Variants in MECOM observed in about 807,000 individuals in gnomAD.
MECOM encodes MDS1 and EVI1 complex locus.
MECOM carries 13 observed loss-of-function variants against 116.3 expected under a neutral mutation model. The observed-to-expected ratio is 0.11, with a 90% CI of 0.07 to 0.18. The LOEUF (loss-of-function observed/expected upper bound fraction) is 0.18. MECOM is among the 10% of genes least tolerant of loss of function. The probability of loss-of-function intolerance (pLI) is 1.00; values close to 1 mark genes in which losing one functional copy is unlikely to be tolerated. For missense variants in MECOM, 1,299 were observed against 1,509.0 expected, an observed-to-expected ratio of 0.86 and a Z score of 2.31; for synonymous variants, 528 against 535.2, an observed-to-expected ratio of 0.99 and a Z score of 0.19.
chr3:169,419,259 G>C (rs1739285822), intron 1 of MECOM, among the ~76,000 whole-genome samples: 1 of 152,046 alleles, frequency 6.6e-6, no homozygotes. Context: ...ACAAACAAAT[G>C]GAAAAATATT....
chr3:169,089,171 T>C lies in MECOM; in HGVS notation c.3414A>G (p.Glu1138=), dbSNP rs1353503333. Residue 1138 remains glutamate (E), a synonymous_variant, in exon 16 of 17, where the codon GAA becomes GAG. Coordinates refer to ENST00000651503, the MANE Select transcript of MECOM (RefSeq NM_004991.4). ...GAGCAGAAAGTCCACTTTTATATTC[T>C]TCCTCTTTATACCTAAAATGAACCA... is the stretch of plus-strand genomic sequence containing the variant. ...CKTSPVRYKE[E]EYKSGLSALD... The C allele has an allele frequency of 5.9e-6, 9 of 1,538,232 alleles. No homozygotes were observed. The highest frequency in any genetic ancestry group is 7.8e-6 in the Non-Finnish European group (9 of 1,147,278).
At position 169,115,525 on chromosome 3, in the gene MECOM, C is replaced by A; in HGVS notation, c.2347G>T (p.Ala783Ser). The stretch of plus-strand genomic sequence containing the variant: ...GGCTCAGTCAGCTTTGTCCCACTGG[C>A]TCTACTCCTACTGCCCATACTTAGA... ...LDLSMGSRSR[A>S]SGTKLTEPRK... The change falls in exon 8 of 17, where the codon GCC (alanine) becomes TCC (serine). Residue 783 changes from alanine (A) to serine (S), a missense_variant. This residue lies in a region of MECOM where 340 missense variants were observed against 312.6 expected (regional missense o/e 1.09). Transcript: ENST00000651503. 6.2e-7 allele frequency: 1 copy of A among 1,614,126 alleles called. No homozygotes were observed. The highest frequency in any genetic ancestry group is 8.5e-7 in the Non-Finnish European group (1 of 1,180,030).
intron 1 of MECOM, among the ~76,000 whole-genome samples, chr3:169,574,266 G>T (rs1764243987): frequency 6.6e-6 from 1 of 152,092 alleles, no homozygotes; most frequent in African/African-American, 2.4e-5. Context: ...TGGAGGTTTT[G>T]CTACAGGACT....
chr3:169,266,314 C>T (rs1365826375), intron 2 of MECOM, among the ~76,000 whole-genome samples: 3 of 152,152 alleles, frequency 2.0e-5, no homozygotes, highest in Non-Finnish European at 2.9e-5. Flanking sequence ...CAGTTACTTC[C>T]CCACATTAAG....
intron 1 of MECOM, among the ~76,000 whole-genome samples, chr3:169,469,602 C>CGT (rs1553862200): frequency 6.6e-6 from 1 of 151,656 alleles, no homozygotes; most frequent in African/African-American, 2.4e-5. Context: ...TCAAGGTGTA[C>CGT]GTTTTTTTCT....
rs74548954 is a variant in MECOM, at chr3:169,364,040, C to T, written c.375+17147G>A. ...CATGTTTATAATTTTGTCTGTATTGCGTTTGCTGTGGTTTACTCTTAAGTA... is the reference window on the plus strand; with the variant it reads ...CATGTTTATAATTTTGTCTGTATTGTGTTTGCTGTGGTTTACTCTTAAGTA... On this transcript the variant is annotated intron_variant, in intron 2 of 16. Transcript: ENST00000651503. Among the ~76,000 whole-genome samples, 1,018 of 151,896 alleles carry T rather than the reference C, an allele frequency of 6.7e-3. 14 individuals are homozygous for T. Among genetic ancestry groups the T allele is most frequent in the African/African-American group, 0.023 (974 of 41,454 alleles).
chr3:169,325,792 C>T (rs1187246317), intron 2 of MECOM, among the ~76,000 whole-genome samples: 1 of 152,100 alleles, frequency 6.6e-6, no homozygotes, highest in African/African-American at 2.4e-5. Context: ...GTGATAGTTG[C>T]CAGATGTGAG....
At chr3:169,508,594 G>C (rs1231802014) in intron 1 of MECOM, among the ~76,000 whole-genome samples, 2 of 152,116 alleles carry the variant, frequency 1.3e-5, no homozygotes. Flanking sequence ...AATAAGTTTG[G>C]TGACAGTGAA....
chr3:169,167,717 C>T (rs1743803867), intron 2 of MECOM, among the ~76,000 whole-genome samples: 1 of 151,898 alleles, frequency 6.6e-6, no homozygotes, highest in African/African-American at 2.4e-5. Flanking sequence ...GACATGTAAC[C>T]CTAATATAGA....
rs192534228 is a variant in MECOM at position 169,450,296 on chromosome 3, C to G, written c.38-68772G>C. ...TTCACGATTTAGTACTTTAAACACA[C>G]AGCACCAGGAAGAAAATCACCACAA... is the stretch of plus-strand genomic sequence containing the variant. On this transcript the variant is annotated intron_variant, in intron 1 of 16. Transcript: ENST00000651503. 1.6e-3 allele frequency among the ~76,000 whole-genome samples: 248 copies of G among 152,244 alleles called. 2 individuals are homozygous for G. Among genetic ancestry groups the G allele is most frequent in the African/African-American group, 5.2e-3 (214 of 41,552 alleles).
chr3:169,467,091 C>A (rs1748434017), intron 1 of MECOM: 1 of 152,158 alleles, frequency 6.6e-6, no homozygotes. Flanking sequence ...ATCGTGAAAA[C>A]AACTTACTGG....
At position 169,649,409 on chromosome 3, in the gene MECOM, CAA is replaced by C. The variant is rs71634436; in HGVS notation, c.37+13925_37+13926del. On this transcript the variant is annotated intron_variant, in intron 1 of 16. Transcript: ENST00000651503. ...GGGCGGCAAGAGCGAAACTCCATCT[CAA>C]AAAAAAAAAAAAAAAAAATAGGAAA... Among the ~76,000 whole-genome samples, 744 of 74,434 alleles carry C rather than the reference CAA, an allele frequency of 1.0e-2. 32 individuals are homozygous for C. In the South Asian group the frequency reaches 0.18, roughly 18 times the overall value. The allele number at this position is 74,434 out of a possible 152,430, so 48.8% of individuals were successfully genotyped here.
intron 1 of MECOM, among the ~76,000 whole-genome samples, chr3:169,427,606 A>G (rs1740939161): frequency 6.6e-6 from 1 of 152,222 alleles, no homozygotes; most frequent in Non-Finnish European, 1.5e-5. Context: ...ATCTCCACTC[A>G]GATGTGAGTT....
At chr3:169,485,983 TAG>T (rs1491552059) in intron 1 of MECOM, among the ~76,000 whole-genome samples, 2 of 106,050 alleles carry the variant, frequency 1.9e-5, no homozygotes, top group Admixed American at 2.1e-4. Flanking sequence ...CATATATATA[TAG>T]TATATATATG....
At position 169,167,509 on chromosome 3, in the gene MECOM, C is replaced by A. The variant is rs112109757; in HGVS notation, c.376-23677G>T. On this transcript the variant is annotated intron_variant, in intron 2 of 16. Transcript: ENST00000651503. ...ACCATGGTATTTATTATCTACCATG[C>A]GGTTCTACACAATAAACAACTCCCA... Among the ~76,000 whole-genome samples, 517 of 152,128 alleles carry A rather than the reference C, an allele frequency of 3.4e-3. 1 individual carries two copies. Among genetic ancestry groups the A allele is most frequent in the South Asian group, 5.0e-3 (24 of 4,824 alleles).
intron 1 of MECOM, among the ~76,000 whole-genome samples, chr3:169,509,432 ACCATTACTCATCT>A (rs1755690255): frequency 6.6e-6 from 1 of 152,156 alleles, no homozygotes; most frequent in African/African-American, 2.4e-5. Context: ...TACGACCATC[ACCATTACTCATCT>A]CCAGGGCTTT....
intron 3 of MECOM, among the ~76,000 whole-genome samples, chr3:169,139,962 T>A (rs1577130001): frequency 6.8e-6 from 1 of 146,340 alleles, no homozygotes; most frequent in African/African-American, 2.5e-5. Context: ...TAGTTTTCTT[T>A]AAAAAAAAAA....
intron 1 of MECOM, among the ~76,000 whole-genome samples, chr3:169,589,783 A>G (rs1426729210): frequency 6.6e-6 from 1 of 152,172 alleles, no homozygotes. Context: ...AGAAAAATCT[A>G]TCTATCTGCC....
At chr3:169,371,424 AGACCTAAT>A (rs1403951212) in intron 2 of MECOM, among the ~76,000 whole-genome samples, 3 of 151,850 alleles carry the variant, frequency 2.0e-5, no homozygotes, top group Non-Finnish European at 4.4e-5. Context: ...TAAATTCTGG[AGACCTAAT>A]ATACAGCATT....
Sources: gnomAD v4.1 joint callset for allele counts (sites outside exome capture counted in the v4.1 genomes callset) on GRCh38, gnomAD v4.1.1 for gene constraint, gnomAD v4.1.1 regional missense constraint, MANE v1.5 for transcripts, NCBI Gene and HGNC (gene_info 2026-07-23, HGNC 2026-07-21) for gene names.